TASOR2: variants seen among roughly 807,000 people sequenced by gnomAD.
TASOR2 encodes the protein transcription activation suppressor family member 2, also known as protein TASOR 2.
TASOR2 carries 84 observed loss-of-function variants against 199.5 expected under a neutral mutation model. The observed-to-expected ratio is 0.42, with a 90% CI of 0.35 to 0.50. The LOEUF (loss-of-function observed/expected upper bound fraction) is 0.50. Among genes scored for constraint, TASOR2 ranks in the 20% least tolerant of loss-of-function variants. TASOR2 has a pLI of 0.02. For synonymous variants in TASOR2, 1,103 were observed against 1,046.6 expected (o/e 1.05, Z -1.04); for missense variants, 2,796 against 2,835.9 (o/e 0.99, Z 0.32).
At chr10:5,749,924 A>G (rs1837787597) in exon 15 of TASOR2, 2 of 1,614,206 alleles carry the variant, frequency 1.2e-6, no homozygotes, top group African/African-American at 2.7e-5. Context: ...GTGTGCACCA[A>G]TTTGCACGTC....
rs75053900 is a variant in TASOR2, at chr10:5,722,542, C to A, written c.147-1135C>A. On this transcript the variant is annotated intron_variant, in intron 6 of 20. Transcript: ENST00000328090. This position sits in a 1 kb window ranked among gnomAD's most constrained non-coding sequence, Gnocchi z 4.0. ...AAGGGCATCAGGTTTGCATCTTACTCCCAAAAGGTTCAGAAAAAAATAATG... is the reference window on the plus strand; with the variant it reads ...AAGGGCATCAGGTTTGCATCTTACTACCAAAAGGTTCAGAAAAAAATAATG... 6.6e-6 allele frequency among the ~76,000 whole-genome samples: 1 copy of A among 151,968 alleles called. No homozygotes were observed. Among genetic ancestry groups the A allele is most frequent in the Non-Finnish European group, 1.5e-5 (1 of 67,994 alleles).
At chr10:5,700,812 G>GTA (rs1292483699) in intron 1 of TASOR2, among the ~76,000 whole-genome samples, 25 of 151,810 alleles carry the variant, frequency 1.6e-4, no homozygotes, top group African/African-American at 5.6e-4. Flanking sequence ...GTGTGTGTGT[G>GTA]TGTTTGCTTG....
At chr10:5,747,685 C>G (rs1183715825) in exon 15 of TASOR2, 2 of 1,614,154 alleles carry the variant, frequency 1.2e-6, no homozygotes, top group South Asian at 1.1e-5. Context: ...GGCTGTGACT[C>G]CATGCATTTT....
chr10:5,712,270 A>G, intron 1 of TASOR2: 1 of 635,112 alleles, frequency 1.6e-6, no homozygotes, highest in South Asian at 8.6e-5. Flanking sequence ...TTAAGACAGT[A>G]CAAATATTTC....
At chr10:5,728,867 ACAGCTAACTT>A (rs1228537610) in intron 10 of TASOR2, among the ~76,000 whole-genome samples, 5 of 152,188 alleles carry the variant, frequency 3.3e-5, no homozygotes, top group African/African-American at 1.2e-4. Context: ...TCAGGGTCTA[ACAGCTAACTT>A]CAGATCTGGC....
exon 7 of TASOR2, chr10:5,723,678 C>T: frequency 6.4e-7 from 1 of 1,566,944 alleles, no homozygotes; most frequent in Non-Finnish European, 8.7e-7. Context: ...GTTTTTCAGA[C>T]CGCAGGAACT....
chr10:5,758,170 G>A (rs974948094), intron 17 of TASOR2, among the ~76,000 whole-genome samples: 5 of 152,008 alleles, frequency 3.3e-5, no homozygotes, highest in African/African-American at 9.7e-5. Flanking sequence ...AACCTGCCCC[G>A]GCTCTGATCA....
chr10:5,723,790 G>A lies in TASOR2; in HGVS notation c.247+13G>A. The A allele has an allele frequency of 6.5e-7, 1 of 1,545,070 alleles. No individual in the cohort carries two copies. Among genetic ancestry groups the A allele is most frequent in the Middle Eastern group, 1.7e-4 (1 of 5,854 alleles). On this transcript the variant is annotated intron_variant, in intron 7 of 20. Transcript: ENST00000328090. ...TTGGAGGAGAAAGGTCTGTTGAAAT[G>A]TAATAACACGCTACTTGTCCTGGGC...
At position 5,746,935 on chromosome 10, in the gene TASOR2, T is replaced by C. The variant is rs527789522; in HGVS notation, c.3514T>C (p.Ser1172Pro). Reference sequence around the variant, plus strand: ...ATTAGCTAAAAGTTCTAGTCATCTATCACCCAGTGAAGAAGTGAGATGCAC... The same window carrying C: ...ATTAGCTAAAAGTTCTAGTCATCTACCACCCAGTGAAGAAGTGAGATGCAC... Residue 1172 changes from serine (S) to proline (P), a missense_variant, in exon 15 of 21, where the codon TCA becomes CCA. Ser to Pro is a moderately conservative substitution (Grantham distance 74). Transcript: ENST00000328090. 32 of 1,614,216 alleles carry C rather than the reference T, an allele frequency of 2.0e-5. No homozygotes were observed. In the South Asian group the frequency reaches 2.3e-4, roughly 12 times the overall value.
At chr10:5,700,322 T>G (rs1384314166) in intron 1 of TASOR2, among the ~76,000 whole-genome samples, 2 of 152,200 alleles carry the variant, frequency 1.3e-5, no homozygotes, top group South Asian at 2.1e-4. Context: ...TACATTTTCT[T>G]TATTCATCTG....
At chr10:5,739,428 A>G (rs1376120682) in intron 12 of TASOR2, among the ~76,000 whole-genome samples, 190 bp from the exon 14 acceptor site, 2 of 152,228 alleles carry the variant, frequency 1.3e-5, no homozygotes, top group African/African-American at 4.8e-5. Flanking sequence ...AAATTTTAAT[A>G]TGCAATATGT....
chr10:5,720,432 A>C lies in TASOR2; in HGVS notation c.-99-112A>C. 1 of 1,414,112 alleles carries C rather than the reference A, an allele frequency of 7.1e-7. No homozygotes were observed. The highest frequency in any genetic ancestry group is 9.2e-7 in the Non-Finnish European group (1 of 1,090,304). The allele number at this position is 1,414,112 out of a possible 1,614,324, so 87.6% of individuals were successfully genotyped here. A position where few individuals can be genotyped will look rare whatever the true frequency, so the allele number is the denominator to read the frequency against. ...CCTGTGAATGAGTAACACCCAAGAT[A>C]TATTTCTGACTCTAATGTGTTAAAT... On this transcript the variant is annotated intron_variant, in intron 3 of 20. Coordinates refer to ENST00000328090, the Ensembl canonical transcript of TASOR2. This position sits in a 1 kb window ranked among gnomAD's most constrained non-coding sequence, Gnocchi z 5.3.
At position 5,737,059 on chromosome 10, in the gene TASOR2, A is replaced by T. The variant is rs939039539; in HGVS notation, c.1447+1513A>T. On this transcript the variant is annotated intron_variant, in intron 12 of 20. Coordinates refer to ENST00000328090, the Ensembl canonical transcript of TASOR2. The surrounding 1 kb of genome is among the most constrained non-coding windows in gnomAD (Gnocchi z 4.9). Reference sequence around the variant, plus strand: ...ACTGCAACCTCTGCCTCCCAGGTTCAAGCAGTTTTCCTGCCTCAGTCTCCC... The same window carrying T: ...ACTGCAACCTCTGCCTCCCAGGTTCTAGCAGTTTTCCTGCCTCAGTCTCCC... Among the ~76,000 whole-genome samples the T allele has an allele frequency of 6.6e-6, 1 of 152,124 alleles. No individual in the cohort carries two copies. The highest frequency in any genetic ancestry group is 2.4e-5 in the African/African-American group (1 of 41,426).
intron 12 of TASOR2, 152 bp downstream of exon 13, chr10:5,735,698 C>G: frequency 1.0e-6 from 1 of 995,378 alleles, no homozygotes; most frequent in East Asian, 2.8e-5. Flanking sequence ...ACTAAGTAAA[C>G]TGGTTTCCTA....
intron 1 of TASOR2, among the ~76,000 whole-genome samples, chr10:5,696,970 A>T (rs1368314544): frequency 6.6e-6 from 1 of 152,200 alleles, no homozygotes; most frequent in Non-Finnish European, 1.5e-5. Context: ...AGAAGAGCAC[A>T]AGAATTAGAA....
At chr10:5,721,161 A>G (rs1031206356) in intron 6 of TASOR2, among the ~76,000 whole-genome samples, 191 bp downstream of exon 7, 1 of 152,176 alleles carries the variant, frequency 6.6e-6, no homozygotes, top group Non-Finnish European at 1.5e-5. Flanking sequence ...TAATTTATTA[A>G]TGGGAAAATG....
At chr10:5,759,841 A>T (rs1839521422) in intron 18 of TASOR2, among the ~76,000 whole-genome samples, 2 of 152,242 alleles carry the variant, frequency 1.3e-5, no homozygotes, top group African/African-American at 4.8e-5. Flanking sequence ...CCTTGGCAGG[A>T]AAGGAGGGTG....
At chr10:5,695,239 T>C (rs867712218) in intron 1 of TASOR2, among the ~76,000 whole-genome samples, 6 of 152,210 alleles carry the variant, frequency 3.9e-5, no homozygotes, top group African/African-American at 1.4e-4. Context: ...ACAGATATGG[T>C]TCCTGCCGTG....
At chr10:5,705,513 G>A (rs1297907295) in intron 1 of TASOR2, among the ~76,000 whole-genome samples, 1 of 151,994 alleles carries the variant, frequency 6.6e-6, no homozygotes, top group Non-Finnish European at 1.5e-5. Flanking sequence ...ATAGAATTTT[G>A]GGTCATATGG....
Sources: gnomAD v4.1 joint callset for allele counts (sites outside exome capture counted in the v4.1 genomes callset) on GRCh38, gnomAD v4.1.1 for gene constraint, Gnocchi (gnomAD v3.1) non-coding constraint, MANE v1.5 for transcripts, NCBI Gene and HGNC (gene_info 2026-07-23, HGNC 2026-07-21) for gene names.